Variants in ATP9B observed in about 807,000 individuals in gnomAD.
ATP9B encodes probable phospholipid-transporting ATPase IIB.
In ATP9B, 110 loss-of-function variants were observed where a neutral mutation model predicts 146.1. The ratio of observed to expected loss-of-function variants is 0.75; its 90% CI spans 0.65 to 0.88. ATP9B has a LOEUF of 0.88. Ranked by LOEUF, ATP9B falls within the 40% of genes least tolerant of loss-of-function variation. The pLI is 0.00. For synonymous variants in ATP9B, 604 were observed against 569.7 expected, an observed-to-expected ratio of 1.06 and a Z score of -0.86; for missense variants, 1,499 against 1,496.4, an observed-to-expected ratio of 1.00 and a Z score of -0.03.
chr18:79,128,052 CT>C (rs1173565651), intron 5 of ATP9B, among the ~76,000 whole-genome samples: 9,838 of 71,858 alleles, frequency 0.14, 154 homozygotes, highest in East Asian at 0.25. Flanking sequence ...CCTTTGCCGA[CT>C]TTTTTTTTTT....
intron 15 of ATP9B, among the ~76,000 whole-genome samples, chr18:79,323,346 G>T (rs968165107): frequency 6.6e-6 from 1 of 152,128 alleles, no homozygotes; most frequent in African/African-American, 2.4e-5. Context: ...GTCAGTGAAG[G>T]TCACCCTATC....
chr18:79,356,418 C>CA (rs2096953548), intron 25 of ATP9B, among the ~76,000 whole-genome samples: 1 of 152,120 alleles, frequency 6.6e-6, no homozygotes, highest in Non-Finnish European at 1.5e-5. Flanking sequence ...GAAACTTCAC[C>CA]AAAAAACCTG....
At chr18:79,327,689 T>G (rs1568699452) in intron 15 of ATP9B, among the ~76,000 whole-genome samples, 3 of 145,882 alleles carry the variant, frequency 2.1e-5, no homozygotes, top group African/African-American at 7.8e-5. Context: ...TAGCGTGCTC[T>G]CCGTGGTTAG....
At chr18:79,163,936 A>G (rs998734031) in intron 7 of ATP9B, among the ~76,000 whole-genome samples, 3 of 151,948 alleles carry the variant, frequency 2.0e-5, no homozygotes, top group African/African-American at 7.3e-5. Context: ...AGACAGACAG[A>G]GACAGAAAAG....
At chr18:79,275,920 T>G (rs908196124) in intron 12 of ATP9B, among the ~76,000 whole-genome samples, 1 of 152,254 alleles carries the variant, frequency 6.6e-6, no homozygotes, top group Non-Finnish European at 1.5e-5. Flanking sequence ...AAAGTATGAT[T>G]ATTTAATGTT....
chr18:79,330,918 A>T (rs1171212365), intron 17 of ATP9B, among the ~76,000 whole-genome samples: 4 of 152,332 alleles, frequency 2.6e-5, no homozygotes, highest in Middle Eastern at 3.4e-3. Flanking sequence ...AATATTTGCA[A>T]GATTTTCTTT....
chr18:79,289,892 G>T (rs1320654741), intron 13 of ATP9B, among the ~76,000 whole-genome samples: 1 of 152,200 alleles, frequency 6.6e-6, no homozygotes, highest in African/African-American at 2.4e-5. Flanking sequence ...GACCCTGTTT[G>T]TCTGGGTATT....
chr18:79,372,818 T>TC lies in ATP9B; in HGVS notation c.3013-4dup. ...GCACTAACGACGCTCTTCCACTGTT[T>TC]CCCTAGGGAAGATCCTTGTCCTTCA... On this transcript the variant is annotated splice_polypyrimidine_tract_variant and splice_region_variant and intron_variant, in intron 26 of 29. Transcript: ENST00000426216. 1.2e-6 allele frequency: 2 copies of TC among 1,602,738 alleles called. No homozygotes were observed. The highest frequency in any genetic ancestry group is 1.7e-6 in the Non-Finnish European group (2 of 1,169,708).
chr18:79,207,752 C>T (rs941103140), intron 10 of ATP9B, among the ~76,000 whole-genome samples: 1 of 151,896 alleles, frequency 6.6e-6, no homozygotes, highest in African/African-American at 2.4e-5. Context: ...TCCTGGATGC[C>T]ACTCACTCCC....
intron 4 of ATP9B, among the ~76,000 whole-genome samples, chr18:79,119,229 A>G (rs959506522): frequency 6.6e-6 from 1 of 152,210 alleles, no homozygotes; most frequent in Non-Finnish European, 1.5e-5. Context: ...CTAGGTTTCA[A>G]CCAAAGAAAA....
At chr18:79,118,485 C>G (rs2094132835) in intron 4 of ATP9B, among the ~76,000 whole-genome samples, 1 of 143,802 alleles carries the variant, frequency 7.0e-6, no homozygotes, top group African/African-American at 2.6e-5. Flanking sequence ...ACTGCAAGCT[C>G]CGCCTCCCGG....
At chr18:79,349,384 G>A (rs753747897) in intron 25 of ATP9B, among the ~76,000 whole-genome samples, 2 of 152,228 alleles carry the variant, frequency 1.3e-5, no homozygotes, top group Non-Finnish European at 2.9e-5. Context: ...TGTGAGAAAA[G>A]TGAGAGACCC....
chr18:79,363,411 G>A (rs528466808), intron 26 of ATP9B: 24 of 152,340 alleles, frequency 1.6e-4, no homozygotes, highest in Non-Finnish European at 3.2e-4. Context: ...CCTGGAATGG[G>A]AGGCATAAAC....
chr18:79,109,255 ATTTTAAT>A (rs1015721657), intron 2 of ATP9B, among the ~76,000 whole-genome samples: 2 of 152,168 alleles, frequency 1.3e-5, no homozygotes, highest in African/African-American at 4.8e-5. Flanking sequence ...TTAAACCAAA[ATTTTAAT>A]ACTGAAGTTT....
chr18:79,251,812 A>AT (rs149753121), intron 11 of ATP9B, among the ~76,000 whole-genome samples: 28 of 152,084 alleles, frequency 1.8e-4, no homozygotes, highest in Non-Finnish European at 2.2e-4. Context: ...CTCAAACTTT[A>AT]TTTTTTTTAA....
At position 79,347,842 on chromosome 18, in the gene ATP9B, G is replaced by A; in HGVS notation, c.2755G>A (p.Val919Met). 1.9e-6 allele frequency: 3 copies of A among 1,613,808 alleles called. No individual in the cohort carries two copies. Among genetic ancestry groups the A allele is most frequent in the Non-Finnish European group, 2.5e-6 (3 of 1,179,848 alleles). The change falls in exon 24 of 30, where the codon GTG (valine) becomes ATG (methionine). Residue 919 changes from valine to methionine, a missense_variant. Val to Met is a conservative substitution (Grantham distance 21). Transcript: ENST00000426216. ...QFRHIGRLLM[V>M]HGRNSYKRSA... ...CCGGCACATAGGCAGGCTGCTCATG[G>A]TGCACGGGCGGAACAGCTACAAGAG... is the stretch of plus-strand genomic sequence containing the variant.
chr18:79,203,619 A>T (rs2095508587), intron 9 of ATP9B, among the ~76,000 whole-genome samples: 1 of 152,214 alleles, frequency 6.6e-6, no homozygotes, highest in African/African-American at 2.4e-5. Context: ...AAAATATGGG[A>T]TTAGAAACAT....
intron 15 of ATP9B, among the ~76,000 whole-genome samples, chr18:79,312,373 G>A (rs139818088): frequency 5.0e-4 from 76 of 152,326 alleles, no homozygotes; most frequent in African/African-American, 1.7e-3. Flanking sequence ...GCAAGGCTGC[G>A]CCAAGCTTGT....
At chr18:79,234,362 A>C (rs1230889897) in intron 11 of ATP9B, among the ~76,000 whole-genome samples, 1 of 152,248 alleles carries the variant, frequency 6.6e-6, no homozygotes, top group East Asian at 1.9e-4. Context: ...TCCGAGTTCC[A>C]TGAGCAGTGA....
Sources: gnomAD v4.1 joint callset for allele counts (sites outside exome capture counted in the v4.1 genomes callset) on GRCh38, gnomAD v4.1.1 for gene constraint, MANE v1.5 for transcripts, NCBI Gene and HGNC (gene_info 2026-07-23, HGNC 2026-07-21) for gene names.